Variants in RIF1 observed in about 807,000 individuals in gnomAD.
RIF1 encodes telomere-associated protein RIF1.
RIF1 carries 45 observed loss-of-function variants against 247.1 expected under a neutral mutation model. The ratio of observed to expected loss-of-function variants is 0.18; its 90% confidence interval spans 0.14 to 0.23. RIF1 has a LOEUF of 0.23. Among genes scored for constraint, RIF1 ranks in the 10% least tolerant of loss-of-function variants. The pLI is 1.00. For synonymous variants in RIF1, 1,087 were observed against 978.8 expected, an observed-to-expected ratio of 1.11 and a Z score of -2.06; for missense variants, 2,967 against 2,862.5, an observed-to-expected ratio of 1.04 and a Z score of -0.83.
intron 13 of RIF1, chr2:151,507,079 TATTATGTGAA>T: frequency 1.0e-6 from 1 of 997,958 alleles, no homozygotes; most frequent in South Asian, 1.4e-5. Context: ...ATTTGTCCTA[TATTATGTGAA>T]GAAAATTAAA....
At chr2:151,505,840 A>G (rs1391007566) in intron 12 of RIF1, 21 of 538,492 alleles carry the variant, frequency 3.9e-5, no homozygotes, top group African/African-American at 5.7e-5. Context: ...GTATACTCCA[A>G]TGTCTTTATG....
intron 17 of RIF1, 40 bp downstream of exon 17, chr2:151,443,369 G>C: frequency 7.2e-7 from 1 of 1,393,996 alleles, no homozygotes; most frequent in East Asian, 2.3e-5. Flanking sequence ...TCTTGGAAAG[G>C]TTATGTAATG....
At chr2:151,505,433 G>C in intron 12 of RIF1, 1 of 1,495,118 alleles carries the variant, frequency 6.7e-7, no homozygotes, top group Non-Finnish European at 9.3e-7. Context: ...TAGCAATTGA[G>C]AGATGGCCAG....
chr2:151,418,544 T>C lies in RIF1; in HGVS notation c.503+1643T>C, dbSNP rs976579325. On this transcript the variant is annotated intron_variant, in intron 6 of 35. Transcript: ENST00000444746. The stretch of plus-strand genomic sequence containing the variant: ...TTAAAATTTTTAAACTTTTTGACTT[T>C]TGTAAGAATAATTAGCTTTGGCCAG... Among the ~76,000 whole-genome samples the C allele has an allele frequency of 5.3e-5, 8 of 152,244 alleles. No homozygotes were observed. In the East Asian group the frequency reaches 1.5e-3, roughly 29 times the overall value.
chr2:151,412,160 TC>T (rs1686350120), intron 3 of RIF1, among the ~76,000 whole-genome samples: 1 of 152,206 alleles, frequency 6.6e-6, no homozygotes, highest in Admixed American at 6.5e-5. Flanking sequence ...GGACCTGTGT[TC>T]CTGTCTTCAC....
At chr2:151,515,954 A>G in the RIF1 span, among the ~76,000 whole-genome samples, 4 of 152,162 alleles carry the variant, frequency 2.6e-5, no homozygotes, top group Non-Finnish European at 4.4e-5. Context: ...TCCATTCTCT[A>G]CTCTTGGTTA....
At position 151,464,597 on chromosome 2, in the gene RIF1, A is replaced by G. The variant is rs773687888; in HGVS notation, c.5077A>G (p.Ser1693Gly). ...TAAGCGAGACTCTTTTGATAATTGTAGTTTGGGAGAATCCTCAAAAATAGG... is the reference window on the plus strand; with the variant it reads ...TAAGCGAGACTCTTTTGATAATTGTGGTTTGGGAGAATCCTCAAAAATAGG... The part of the protein sequence containing the change: ...LHKRDSFDNC[S>G]LGESSKIGIS... Residue 1693 changes from serine (S) to glycine (G), a missense_variant, in exon 30 of 36, where the codon AGT (serine) becomes GGT (glycine). Ser to Gly is a moderately conservative substitution (Grantham distance 56). Coordinates refer to ENST00000444746, the MANE Select transcript of RIF1 (RefSeq NM_018151.5). 2 of 1,613,642 alleles carry G rather than the reference A, an allele frequency of 1.2e-6. No homozygotes were observed. The highest frequency in any genetic ancestry group is 2.7e-5 in the African/African-American group (2 of 75,048).
downstream of RIF1, among the ~76,000 whole-genome samples, chr2:151,511,169 C>T (rs2073971668): frequency 6.6e-6 from 1 of 152,232 alleles, no homozygotes; most frequent in African/African-American, 2.4e-5. Flanking sequence ...TGGTGAGGCT[C>T]TCACAGCCCA....
At chr2:151,506,691 A>G (rs1174193677) in intron 13 of RIF1, among the ~76,000 whole-genome samples, 1 of 152,240 alleles carries the variant, frequency 6.6e-6, no homozygotes, top group African/African-American at 2.4e-5. Context: ...TAAAAAATTT[A>G]AAAATAAAAG....
At chr2:151,487,074 T>C (rs1177241927), downstream of RIF1, among the ~76,000 whole-genome samples, 1 of 152,234 alleles carries the variant, frequency 6.6e-6, no homozygotes, top group Non-Finnish European at 1.5e-5. Flanking sequence ...TGCGTGTGTG[T>C]GTACTGACAG....
In RIF1 at chr2:151,499,305, A is replaced by C. The variant is rs1291985158; in HGVS notation, c.*514-40A>C. 6.7e-7 allele frequency: 1 copy of C among 1,499,136 alleles called. No homozygotes were observed. Among genetic ancestry groups the C allele is most frequent in the Admixed American group, 2.1e-5 (1 of 47,174 alleles). The allele number at this position is 1,499,136 out of a possible 1,614,324, so 92.9% of individuals were successfully genotyped here. ...TTTTTTATTTTTAAATACCGAACTA[A>C]AGTTTTCTTGATTGTGTTTGACTCT... On this transcript the variant is annotated intron_variant and NMD_transcript_variant, in intron 10 of 13. Coordinates refer to the RIF1 transcript ENST00000454583.
chr2:151,530,144 C>A, the RIF1 span, among the ~76,000 whole-genome samples: 19 of 152,108 alleles, frequency 1.2e-4, 1 homozygote, highest in Non-Finnish European at 2.9e-5. Flanking sequence ...GGCACATAGA[C>A]AATATTTGAT....
At chr2:151,427,182 GTCAT>G (rs1269976692) in intron 8 of RIF1, among the ~76,000 whole-genome samples, 3 of 150,972 alleles carry the variant, frequency 2.0e-5, no homozygotes, top group Admixed American at 1.3e-4. Flanking sequence ...TGCATTACTT[GTCAT>G]TTTTCCATTT....
At chr2:151,497,746 A>C (rs1382710132) in intron 10 of RIF1, 11 of 1,556,858 alleles carry the variant, frequency 7.1e-6, no homozygotes, top group South Asian at 1.2e-5. Context: ...ATCCAGAAAA[A>C]CAACCATGAG....
chr2:151,489,560 C>A (rs1198586268), intron 9 of RIF1, among the ~76,000 whole-genome samples: 4 of 152,088 alleles, frequency 2.6e-5, no homozygotes, highest in Non-Finnish European at 5.9e-5. Flanking sequence ...CCACACCTGG[C>A]TAATTTTTTG....
chr2:151,409,953 C>T lies in RIF1; in HGVS notation c.-91C>T, dbSNP rs758855612. The T allele has an allele frequency of 8.6e-6, 6 of 701,556 alleles. No homozygotes were observed. Among genetic ancestry groups the T allele is most frequent in the African/African-American group, 1.7e-5 (1 of 57,238 alleles). The allele number at this position is 701,556 out of a possible 1,614,324, so 43.5% of individuals were successfully genotyped here. ...CGCGCCGCACGCGTGAGTAAACAGC[C>T]GGAGCTGGGAAAGTCGAGCTCTGGC... On this transcript the variant is annotated 5_prime_UTR_variant, in exon 1 of 36. Coordinates refer to ENST00000444746, the MANE Select transcript of RIF1 (RefSeq NM_018151.5).
Position 151,474,092 on chromosome 2 carries a change from G to C in RIF1, c.7204+20G>C. The C allele has an allele frequency of 8.7e-7, 1 of 1,148,638 alleles. No homozygotes were observed. Among genetic ancestry groups the C allele is most frequent in the Non-Finnish European group, 1.3e-6 (1 of 776,768 alleles). The allele number at this position is 1,148,638 out of a possible 1,614,324, so 71.2% of individuals were successfully genotyped here. ...TCTCAGGTATATTTTAGCAAAAGTG[G>C]GATAATTTTATTTAGAAGATCAGCT... On this transcript the variant is annotated intron_variant, in intron 35 of 35. Transcript: ENST00000444746.
chr2:151,522,742 T>C, the RIF1 span, among the ~76,000 whole-genome samples: 1 of 152,208 alleles, frequency 6.6e-6, no homozygotes, highest in East Asian at 1.9e-4. Flanking sequence ...CTTACATCAC[T>C]GATGTGTACA....
chr2:151,520,702 A>G, the RIF1 span, among the ~76,000 whole-genome samples: 1 of 152,054 alleles, frequency 6.6e-6, no homozygotes, highest in Non-Finnish European at 1.5e-5. Flanking sequence ...CATCTCCACT[A>G]AAAATACAAA....
Sources: gnomAD v4.1 joint callset for allele counts (sites outside exome capture counted in the v4.1 genomes callset) on GRCh38, gnomAD v4.1.1 for gene constraint, MANE v1.5 for transcripts, NCBI Gene and HGNC (gene_info 2026-07-23, HGNC 2026-07-21) for gene names.